Variants in EBF1 observed in about 807,000 individuals in gnomAD.
EBF1 encodes the protein EBF transcription factor 1.
Under a neutral mutation model 68.4 loss-of-function variants are expected in EBF1, and 10 were observed. The ratio of observed to expected loss-of-function variants is 0.15; its 90% CI spans 0.09 to 0.25. The LOEUF (loss-of-function observed/expected upper bound fraction) is 0.25. EBF1 is among the 10% of genes least tolerant of loss of function. The pLI is 1.00. For synonymous variants in EBF1, 298 were observed against 299.8 expected, an observed-to-expected ratio of 0.99 and a Z score of 0.06; for missense variants, 509 against 794.4, an observed-to-expected ratio of 0.64 and a Z score of 4.32.
At chr5:158,992,046 T>C (rs1760433086) in intron 6 of EBF1, among the ~76,000 whole-genome samples, 1 of 152,210 alleles carries the variant, frequency 6.6e-6, no homozygotes, top group Non-Finnish European at 1.5e-5. Context: ...TAAATCCTGC[T>C]TGGCTCACCA....
intron 6 of EBF1, among the ~76,000 whole-genome samples, chr5:158,851,114 C>T (rs930086950): frequency 6.6e-6 from 1 of 151,898 alleles, no homozygotes; most frequent in Non-Finnish European, 1.5e-5. Context: ...GACATGATGG[C>T]TCATGCCCAT....
intron 3 of EBF1, 140 bp from the exon 4 acceptor site, chr5:159,095,815 C>T (rs1782503654): frequency 1.2e-6 from 1 of 834,142 alleles, no homozygotes; most frequent in Non-Finnish European, 1.9e-6. Flanking sequence ...CTGATTGGAA[C>T]TCCCACTGTC....
intron 6 of EBF1, among the ~76,000 whole-genome samples, chr5:159,062,474 G>A (rs533523230): frequency 7.2e-5 from 11 of 151,816 alleles, no homozygotes; most frequent in African/African-American, 2.4e-4. Flanking sequence ...GTGGGGGACA[G>A]GAAGATTGGG....
At chr5:158,823,133 C>T (rs1188938090) in intron 8 of EBF1, 43 bp downstream of exon 8, 6 of 1,613,032 alleles carry the variant, frequency 3.7e-6, no homozygotes, top group Non-Finnish European at 5.1e-6. Context: ...AATATATTCA[C>T]AGTTAAAGTA....
intron 4 of EBF1, among the ~76,000 whole-genome samples, chr5:159,093,297 C>T (rs548875423): frequency 6.6e-6 from 1 of 152,258 alleles, no homozygotes; most frequent in South Asian, 2.1e-4. Flanking sequence ...ATTATGAAAG[C>T]ACACAGGTAA....
intron 6 of EBF1, among the ~76,000 whole-genome samples, chr5:159,008,780 G>A (rs1484537403): frequency 1.3e-5 from 2 of 151,944 alleles, no homozygotes; most frequent in African/African-American, 2.4e-5. Flanking sequence ...GACGTGATTC[G>A]CCCACCTTGG....
chr5:159,054,474 C>T (rs1200624911), intron 6 of EBF1, among the ~76,000 whole-genome samples: 2 of 152,154 alleles, frequency 1.3e-5, no homozygotes, highest in East Asian at 3.8e-4. Context: ...GTCTCTCTCT[C>T]GTCTCCTCTG....
chr5:158,797,543 G>A (rs971397544), intron 8 of EBF1, among the ~76,000 whole-genome samples: 1 of 152,164 alleles, frequency 6.6e-6, no homozygotes, highest in East Asian at 1.9e-4. Context: ...TGAAGCCAAT[G>A]AGAGCACTAG....
At chr5:158,765,646 G>A (rs549448040) in intron 10 of EBF1, among the ~76,000 whole-genome samples, 1 of 152,240 alleles carries the variant, frequency 6.6e-6, no homozygotes, top group East Asian at 1.9e-4. Flanking sequence ...ACAGCAGTGG[G>A]TATGAGGGGA....
chr5:159,062,906 G>A (rs1312541237), intron 6 of EBF1, among the ~76,000 whole-genome samples: 1 of 152,232 alleles, frequency 6.6e-6, no homozygotes, highest in Non-Finnish European at 1.5e-5. Flanking sequence ...AGGCAATGAG[G>A]AGATTTGCAT....
At chr5:158,992,756 C>A (rs1179994509) in intron 6 of EBF1, among the ~76,000 whole-genome samples, 1 of 151,788 alleles carries the variant, frequency 6.6e-6, no homozygotes, top group East Asian at 1.9e-4. Flanking sequence ...CTAAAAATTT[C>A]TTTAAAAAGA....
intron 6 of EBF1, among the ~76,000 whole-genome samples, chr5:158,857,047 T>C (rs1471267063): frequency 6.6e-6 from 1 of 152,174 alleles, no homozygotes; most frequent in Admixed American, 6.5e-5. Flanking sequence ...TCCTTTGTGA[T>C]CTGGAACAAA....
intron 6 of EBF1, among the ~76,000 whole-genome samples, chr5:158,940,759 CA>C (rs1561573600): frequency 1.5e-3 from 36 of 23,926 alleles, no homozygotes; most frequent in African/African-American, 3.1e-3. Flanking sequence ...CCCTTCACCC[CA>C]CCGCCCCCCC....
chr5:158,739,224 A>G (rs1765801220), intron 10 of EBF1, among the ~76,000 whole-genome samples: 1 of 152,248 alleles, frequency 6.6e-6, no homozygotes, highest in Admixed American at 6.5e-5. Context: ...TACTGGCAGA[A>G]GTGGAGCATC....
At chr5:158,895,345 G>A (rs1271168253) in intron 6 of EBF1, among the ~76,000 whole-genome samples, 1 of 152,190 alleles carries the variant, frequency 6.6e-6, no homozygotes, top group Non-Finnish European at 1.5e-5. Flanking sequence ...TGGCAACATA[G>A]CGAGGCCCTG....
In EBF1 at chr5:158,697,893, T is replaced by G. The variant is rs1755997430; in HGVS notation, c.*1218A>C. The G allele has an allele frequency of 9.6e-6, 2 of 207,926 alleles. No homozygotes were observed. The highest frequency in any genetic ancestry group is 3.8e-4 in the South Asian group (2 of 5,312). The allele number at this position is 207,926 out of a possible 1,614,324, so 12.9% of individuals were successfully genotyped here. On this transcript the variant is annotated 3_prime_UTR_variant, in exon 16 of 16. Coordinates refer to ENST00000313708, the MANE Select transcript of EBF1 (RefSeq NM_024007.5). ...ATTTTTAAGAACACTTCCCAGATAA[T>G]GAGAGCAAAAATTCCCATAGAACAG...
intron 9 of EBF1, among the ~76,000 whole-genome samples, chr5:158,782,634 C>T (rs1776657290): frequency 6.6e-6 from 1 of 151,922 alleles, no homozygotes; most frequent in Non-Finnish European, 1.5e-5. Context: ...GCTGTCCAGC[C>T]TGGGCAACAG....
At position 158,698,924 on chromosome 5, in the gene EBF1, C is replaced by T. The variant is rs1294337504; in HGVS notation, c.*187G>A. The T allele has an allele frequency of 6.3e-6, 3 of 476,794 alleles. No individual in the cohort carries two copies. Among genetic ancestry groups the T allele is most frequent in the Admixed American group, 4.0e-5 (1 of 24,882 alleles). 29.5% of individuals were successfully genotyped at this position (476,794 alleles called of 1,614,324 possible). On this transcript the variant is annotated 3_prime_UTR_variant, in exon 16 of 16. Transcript: ENST00000313708. ...GTACAACTTTAACCAACACCCTGCA[C>T]TTGCAGATCCCTCTTCCAATTTCAG...
At chr5:158,884,015 C>T (rs549602769) in intron 6 of EBF1, among the ~76,000 whole-genome samples, 1 of 152,346 alleles carries the variant, frequency 6.6e-6, no homozygotes, top group African/African-American at 2.4e-5. Context: ...CCAACACACA[C>T]AGCAACTTTT....
Sources: gnomAD v4.1 joint callset for allele counts (sites outside exome capture counted in the v4.1 genomes callset) on GRCh38, gnomAD v4.1.1 for gene constraint, MANE v1.5 for transcripts, NCBI Gene and HGNC (gene_info 2026-07-23, HGNC 2026-07-21) for gene names.